Variants in NOP16 observed in about 807,000 individuals in gnomAD.
NOP16 encodes nucleolar protein 16.
In NOP16, 14 loss-of-function variants were observed where a neutral mutation model predicts 22.7. The ratio of observed to expected loss-of-function variants is 0.62; its 90% CI spans 0.41 to 0.97. The LOEUF is 0.97. Among genes scored for constraint, NOP16 ranks in the 50% least tolerant of loss-of-function variants. NOP16 has a pLI of 0.00. For missense variants in NOP16, 198 were observed against 235.9 expected, an observed-to-expected ratio of 0.84 and a Z score of 1.05; for synonymous variants, 80 against 83.6, an observed-to-expected ratio of 0.96 and a Z score of 0.23.
intron 2 of NOP16, 91 bp downstream of exon 2, chr5:176,388,144 A>T: frequency 1.1e-6 from 1 of 936,658 alleles, no homozygotes; most frequent in South Asian, 1.5e-5. Flanking sequence ...GCCTGAGGGA[A>T]GGAATGGGCA....
intron 2 of NOP16, 136 bp downstream of exon 2, chr5:176,388,097 AGC>A (rs1756030850): frequency 1.6e-6 from 1 of 636,758 alleles, no homozygotes; most frequent in East Asian, 2.7e-5. Context: ...ACGTCAGTTG[AGC>A]GTTCTGACTG....
Position 176,386,889 on chromosome 5 carries a change from G to C in NOP16, c.237C>G (p.Asp79Glu). Residue 79 changes from aspartate (D) to glutamate (E), a missense_variant, in exon 3 of 5, where the codon GAC becomes GAG. Physicochemically the swap from Asp to Glu is conservative, Grantham distance 45. Coordinates refer to ENST00000614830, the MANE Select transcript of NOP16 (RefSeq NM_016391.8). ...RKRKVKAMEV[D>E]IEERPKELVR... ...CAAGCTCTTTAGGCCTCTCCTCTAT[G>C]TCCACCTCCATGGCCTTCACCTGCA... The C allele has an allele frequency of 5.0e-6, 8 of 1,614,028 alleles. No homozygotes were observed. Among genetic ancestry groups the C allele is most frequent in the Non-Finnish European group, 5.1e-6 (6 of 1,179,952 alleles).
At chr5:176,386,627 G>T in intron 3 of NOP16, 1 of 657,564 alleles carries the variant, frequency 1.5e-6, no homozygotes, top group East Asian at 2.9e-5. Context: ...AAACATCTCT[G>T]ACCTTAGTTC....
chr5:176,388,324 A>T lies in NOP16; in HGVS notation c.127T>A (p.Trp43Arg). The T allele has an allele frequency of 6.2e-7, 1 of 1,614,180 alleles. No individual in the cohort carries two copies. Residue 43 changes from tryptophan (W) to arginine (R), a missense_variant, in exon 2 of 5, where the codon TGG (tryptophan) becomes AGG (arginine). Trp to Arg is a moderately radical substitution (Grantham distance 101). Transcript: ENST00000614830. ...RIECSHIRHA[W>R]DHAKSVRQNL... Reference sequence around the variant, plus strand: ...TGCCGTACCGATTTAGCGTGGTCCCAGGCATGTCGGATGTGGGAGCTACCG... The same window carrying T: ...TGCCGTACCGATTTAGCGTGGTCCCTGGCATGTCGGATGTGGGAGCTACCG...
In NOP16 at chr5:176,385,220, C is replaced by T; in HGVS notation, c.393+1G>A. 1 of 1,586,392 alleles carries T rather than the reference C, an allele frequency of 6.3e-7. No individual in the cohort carries two copies. Among genetic ancestry groups the T allele is most frequent in the Admixed American group, 1.7e-5 (1 of 60,004 alleles). On this transcript the variant is annotated splice_donor_variant, in intron 4 of 4. Transcript: ENST00000614830. LOFTEE classifies it high-confidence loss of function. ...CAGCCCACGGGGCCTGAGCCGCTCA[C>T]CTTATAGTCCTCCCCGTGGTTCTCT...
intron 4 of NOP16, chr5:176,384,631 ATAAAT>A (rs1755689533): frequency 5.8e-6 from 3 of 513,952 alleles, no homozygotes; most frequent in Non-Finnish European, 1.0e-5. Context: ...TCCAAAAACA[ATAAAT>A]TAACCATCCT....
rs115822936 is a variant in NOP16, at chr5:176,388,188, G to T, written c.216+47C>A. Reference sequence around the variant, plus strand: ...TTCTGACACCTAGGTCAGTATGGCGGGGGAAGAGTAAAGAAGACAAGGACC... The same window carrying T: ...TTCTGACACCTAGGTCAGTATGGCGTGGGAAGAGTAAAGAAGACAAGGACC... On this transcript the variant is annotated intron_variant, in intron 2 of 4. Coordinates refer to ENST00000614830, the MANE Select transcript of NOP16 (RefSeq NM_016391.8). 1.6e-3 allele frequency: 2,228 copies of T among 1,393,484 alleles called. 35 individuals are homozygous for T. The African/African-American group carries it at 0.025, about 16-fold the overall frequency. 86.3% of individuals were successfully genotyped at this position (1,393,484 alleles called of 1,614,324 possible).
chr5:176,387,923 G>C (rs1213877817), intron 2 of NOP16, among the ~76,000 whole-genome samples: 1 of 152,164 alleles, frequency 6.6e-6, no homozygotes, highest in Non-Finnish European at 1.5e-5. Context: ...CAACTCTTAG[G>C]GAGTACTAAT....
In NOP16 at chr5:176,387,033, T is replaced by A. The variant is rs533539169; in HGVS notation, c.217-124A>T. 16 of 786,750 alleles carry A rather than the reference T, an allele frequency of 2.0e-5. No homozygotes were observed. The South Asian group carries it at 2.3e-4, about 11-fold the overall frequency. The allele number at this position is 786,750 out of a possible 1,614,324, so 48.7% of individuals were successfully genotyped here. A position where few individuals can be genotyped will look rare whatever the true frequency, so the allele number is the denominator to read the frequency against. On this transcript the variant is annotated intron_variant, in intron 2 of 4. Transcript: ENST00000614830. ...CTGCCCACGGTTAGGTAGAAGTAGG[T>A]AACAATGAGAACTAATGCCCTGGAG... is the stretch of plus-strand genomic sequence containing the variant.
intron 3 of NOP16, 55 bp downstream of exon 3, chr5:176,386,785 C>T: frequency 1.3e-6 from 2 of 1,507,934 alleles, no homozygotes; most frequent in Non-Finnish European, 1.8e-6. Flanking sequence ...AGGGCCCTTC[C>T]CAGCTTCCCA....
chr5:176,386,932 G>C (rs1216046419), intron 2 of NOP16, 23 bp from the exon 3 acceptor site: 2 of 1,607,160 alleles, frequency 1.2e-6, no homozygotes, highest in Non-Finnish European at 8.5e-7. Flanking sequence ...GAGCCCTTGA[G>C]ACCAGAAGGA....
chr5:176,384,851 G>A (rs1755706876), intron 4 of NOP16: 1 of 479,072 alleles, frequency 2.1e-6, no homozygotes, highest in South Asian at 3.5e-5. Context: ...ACCCATCATA[G>A]CCAGCTAATC....
At chr5:176,384,619 T>G (rs1000108407) in intron 4 of NOP16, 3 of 537,076 alleles carry the variant, frequency 5.6e-6, no homozygotes, top group Non-Finnish European at 9.9e-6. Flanking sequence ...AGACCCTGTC[T>G]CTCCAAAAAC....
In NOP16 at chr5:176,385,314, T is replaced by C. The variant is rs1165726746; in HGVS notation, c.300A>G (p.Glu100=). The part of the protein sequence containing the change: ...KPYVLNDLEA[E]ASLPEKKGNT... ...TTCCTTTCTTTTCTGGAAGGCTGGC[T>C]TCTGCCTCCAGGTCTGGAGTGATGA... Residue 100 remains glutamate, a synonymous_variant, in exon 4 of 5, where the codon GAA becomes GAG. Coordinates refer to ENST00000614830, the MANE Select transcript of NOP16 (RefSeq NM_016391.8). 5.0e-6 allele frequency: 8 copies of C among 1,605,046 alleles called. No homozygotes were observed. Among genetic ancestry groups the C allele is most frequent in the Non-Finnish European group, 6.8e-6 (8 of 1,171,698 alleles).
chr5:176,388,396 C>T (rs1360008934), intron 1 of NOP16, 37 bp downstream of exon 1: 2 of 1,613,022 alleles, frequency 1.2e-6, no homozygotes, highest in Admixed American at 3.3e-5. Flanking sequence ...CCGTCCCGGC[C>T]GAGGCCCACG....
At position 176,386,878 on chromosome 5, in the gene NOP16, C is replaced by G. The variant is rs748516531; in HGVS notation, c.248G>C (p.Arg83Thr). The stretch of plus-strand genomic sequence containing the variant: ...GGGCTTCCGTACAAGCTCTTTAGGC[C>G]TCTCCTCTATGTCCACCTCCATGGC... ...VKAMEVDIEE[R>T]PKELVRKPYV... Residue 83 changes from arginine (R) to threonine (T), a missense_variant, in exon 3 of 5, where the codon AGG becomes ACG. Physicochemically the swap from Arg to Thr is moderately conservative, Grantham distance 71. Coordinates refer to ENST00000614830, the MANE Select transcript of NOP16 (RefSeq NM_016391.8). 6.2e-7 allele frequency: 1 copy of G among 1,614,098 alleles called. No homozygotes were observed. Among genetic ancestry groups the G allele is most frequent in the Non-Finnish European group, 8.5e-7 (1 of 1,179,984 alleles).
At position 176,388,552 on chromosome 5, in the gene NOP16, C is replaced by T; in HGVS notation, c.-13G>A. 1.9e-6 allele frequency: 3 copies of T among 1,601,934 alleles called. No individual in the cohort carries two copies. The South Asian group carries it at 3.3e-5, about 18-fold the overall frequency. On this transcript the variant is annotated 5_prime_UTR_variant, in exon 1 of 5. Transcript: ENST00000614830. ...TGGCCTTGGGCATCGCGCTGACCACCGCACCAGCAGCTCAAACACGCTGCC... is the reference window on the plus strand; with the variant it reads ...TGGCCTTGGGCATCGCGCTGACCACTGCACCAGCAGCTCAAACACGCTGCC...
chr5:176,384,957 T>C, intron 4 of NOP16: 2 of 581,602 alleles, frequency 3.4e-6, no homozygotes, highest in Non-Finnish European at 6.1e-6. Context: ...CAAGACTCTG[T>C]CTTGAAAACA....
At chr5:176,386,577 T>G in intron 3 of NOP16, 1 of 532,596 alleles carries the variant, frequency 1.9e-6, no homozygotes, top group Non-Finnish European at 3.5e-6. Flanking sequence ...ATTTACTGGT[T>G]TCTCTTCTAT....
Sources: allele counts gnomAD v4.1 joint callset (sites outside exome capture counted in the v4.1 genomes callset), GRCh38; gene constraint gnomAD v4.1.1; transcripts MANE v1.5; gene names NCBI Gene and HGNC (gene_info 2026-07-23, HGNC 2026-07-21).